HPSE2: variants seen among roughly 807,000 people sequenced by gnomAD.
HPSE2 encodes inactive heparanase-2.
HPSE2 carries 38 observed loss-of-function variants against 60.5 expected under a neutral mutation model. That is an observed-to-expected ratio of 0.63 (90% CI 0.48 to 0.82). The LOEUF (loss-of-function observed/expected upper bound fraction) is 0.82. HPSE2 is among the 40% of genes least tolerant of loss of function. HPSE2 has a pLI of 0.00. For synonymous variants in HPSE2, 295 were observed against 293.2 expected (o/e 1.01, Z -0.06); for missense variants, 713 against 740.4 (o/e 0.96, Z 0.43).
intron 3 of HPSE2, among the ~76,000 whole-genome samples, chr10:98,822,781 A>G (rs1003528702): frequency 2.6e-5 from 4 of 152,336 alleles, no homozygotes; most frequent in South Asian, 4.1e-4. Context: ...ATATATTTCT[A>G]TCGGACAATG....
intron 3 of HPSE2, among the ~76,000 whole-genome samples, chr10:99,006,941 A>C (rs1327917282): frequency 1.3e-5 from 2 of 151,530 alleles, no homozygotes; most frequent in Non-Finnish European, 2.9e-5. Flanking sequence ...TGGGGCTTCC[A>C]GAGCTGGCCT....
intron 3 of HPSE2, among the ~76,000 whole-genome samples, chr10:98,879,261 A>G (rs1952955697): frequency 6.6e-6 from 1 of 151,994 alleles, no homozygotes; most frequent in Admixed American, 6.6e-5. Flanking sequence ...ATGTAAGTAT[A>G]CTATTTATTT....
intron 3 of HPSE2, among the ~76,000 whole-genome samples, chr10:98,999,749 G>T (rs1215644672): frequency 6.6e-6 from 1 of 152,120 alleles, no homozygotes; most frequent in Non-Finnish European, 1.5e-5. Flanking sequence ...TTAAAGGAAA[G>T]ATTATATAGA....
At chr10:98,791,082 AT>A (rs1380635000) in intron 3 of HPSE2, among the ~76,000 whole-genome samples, 5 of 152,112 alleles carry the variant, frequency 3.3e-5, no homozygotes, top group Non-Finnish European at 5.9e-5. Context: ...TATTCTGCAA[AT>A]TTTTTATTGT....
chr10:99,057,012 G>A (rs1007462256), intron 3 of HPSE2, among the ~76,000 whole-genome samples: 1 of 152,096 alleles, frequency 6.6e-6, no homozygotes, highest in Non-Finnish European at 1.5e-5. Context: ...ATATGAACAG[G>A]TGAAATAATC....
At chr10:99,106,249 G>A (rs1564811917) in intron 3 of HPSE2, among the ~76,000 whole-genome samples, 1 of 151,338 alleles carries the variant, frequency 6.6e-6, no homozygotes, top group African/African-American at 2.4e-5. Context: ...ATCATAGGCT[G>A]TCTCTCTATT....
At chr10:98,522,863 T>A (rs1357565574) in intron 9 of HPSE2, among the ~76,000 whole-genome samples, 1 of 152,202 alleles carries the variant, frequency 6.6e-6, no homozygotes, top group Non-Finnish European at 1.5e-5. Context: ...GTCTTGCAGA[T>A]AGTTTTGTTG....
At chr10:98,728,346 G>A (rs1949143424) in intron 4 of HPSE2, among the ~76,000 whole-genome samples, 1 of 152,168 alleles carries the variant, frequency 6.6e-6, no homozygotes, top group Admixed American at 6.6e-5. Flanking sequence ...GCCTAGGCAT[G>A]GTGGCTCACA....
chr10:98,978,993 G>C (rs368161269), intron 3 of HPSE2, among the ~76,000 whole-genome samples: 1 of 152,142 alleles, frequency 6.6e-6, no homozygotes, highest in Non-Finnish European at 1.5e-5. Flanking sequence ...CTGCGAACAC[G>C]TGTTCTTTTC....
chr10:98,701,827 A>G (rs1331949699), intron 5 of HPSE2, among the ~76,000 whole-genome samples: 1 of 152,156 alleles, frequency 6.6e-6, no homozygotes, highest in Admixed American at 6.6e-5. Flanking sequence ...TGTAAAGGAA[A>G]AAACCAGTAC....
intron 6 of HPSE2, among the ~76,000 whole-genome samples, chr10:98,678,651 G>GT (rs539636673): frequency 3.7e-4 from 56 of 151,688 alleles, no homozygotes; most frequent in African/African-American, 1.3e-3. Context: ...ATTTTGTTTT[G>GT]TTTTTTACTT....
chr10:99,126,878 G>A lies in HPSE2; in HGVS notation c.610+17360C>T, dbSNP rs368792726. The stretch of plus-strand genomic sequence containing the variant: ...GAGCCTGGGAGCCCCACTTGATAGC[G>A]AGACCCAGAAGGGCAATAATGATCA... On this transcript the variant is annotated intron_variant, in intron 3 of 11. Coordinates refer to ENST00000370552, the MANE Select transcript of HPSE2 (RefSeq NM_021828.5). This position sits in a 1 kb window ranked among gnomAD's most constrained non-coding sequence, Gnocchi z 4.0. Among the ~76,000 whole-genome samples the A allele has an allele frequency of 7.2e-5, 11 of 152,026 alleles. No homozygotes were observed. The highest frequency in any genetic ancestry group is 2.7e-4 in the African/African-American group (11 of 41,382).
intron 3 of HPSE2, among the ~76,000 whole-genome samples, chr10:98,898,244 T>C (rs185930097): frequency 2.0e-5 from 3 of 152,296 alleles, no homozygotes; most frequent in Admixed American, 6.5e-5. Flanking sequence ...CCCAACTGAT[T>C]TGAATGTTTC....
chr10:98,468,575 C>T (rs4145260), intron 11 of HPSE2, among the ~76,000 whole-genome samples: 51,444 of 151,702 alleles, frequency 0.34, 8,855 homozygotes, highest in African/African-American at 0.39. Flanking sequence ...TCCCTTTTAG[C>T]GTCCCTCTCA....
intron 3 of HPSE2, among the ~76,000 whole-genome samples, chr10:98,759,388 C>T (rs1949955273): frequency 6.6e-6 from 1 of 152,076 alleles, no homozygotes; most frequent in South Asian, 2.1e-4. Context: ...AGACACTTTT[C>T]CCCTGTGATA....
chr10:98,564,542 T>C (rs1944283300), intron 9 of HPSE2, among the ~76,000 whole-genome samples: 5 of 152,208 alleles, frequency 3.3e-5, no homozygotes, highest in Admixed American at 3.3e-4. Flanking sequence ...AAGCAGAATT[T>C]TGTGGCTGCA....
chr10:98,727,132 G>A (rs1949105855), intron 4 of HPSE2, among the ~76,000 whole-genome samples: 1 of 151,954 alleles, frequency 6.6e-6, no homozygotes, highest in Non-Finnish European at 1.5e-5. Flanking sequence ...ACGACTCAAG[G>A]GAGACAGACT....
At chr10:98,795,745 G>A in intron 3 of HPSE2, among the ~76,000 whole-genome samples, 1 of 152,226 alleles carries the variant, frequency 6.6e-6, no homozygotes. Flanking sequence ...AATCAGTGCA[G>A]CTAGTAGCAA....
intron 8 of HPSE2, among the ~76,000 whole-genome samples, chr10:98,619,311 G>A (rs1049410650): frequency 2.6e-5 from 4 of 152,172 alleles, no homozygotes; most frequent in Non-Finnish European, 5.9e-5. Flanking sequence ...TGAGGGGTTT[G>A]TCCCTGCCAC....
Sources: allele counts gnomAD v4.1 joint callset (sites outside exome capture counted in the v4.1 genomes callset), GRCh38; gene constraint gnomAD v4.1.1; non-coding constraint Gnocchi (gnomAD v3.1); transcripts MANE v1.5; gene names NCBI Gene and HGNC (gene_info 2026-07-23, HGNC 2026-07-21).